ARHGAP35: variants seen among roughly 807,000 people sequenced by gnomAD.
The protein encoded by ARHGAP35 is rho GTPase-activating protein 35.
Under a neutral mutation model 111.1 loss-of-function variants are expected in ARHGAP35, and 15 were observed. The ratio of observed to expected loss-of-function variants is 0.13; its 90% CI spans 0.09 to 0.21. The LOEUF (loss-of-function observed/expected upper bound fraction) is 0.21. Among genes scored for constraint, ARHGAP35 ranks in the 10% least tolerant of loss-of-function variants. The pLI, the probability that ARHGAP35 is intolerant of heterozygous loss-of-function variation, is 1.00. For synonymous variants in ARHGAP35, 643 were observed against 710.3 expected (o/e 0.91, Z 1.51); for missense variants, 1,262 against 1,873.0 (o/e 0.67, Z 6.02).
intron 1 of ARHGAP35, among the ~76,000 whole-genome samples, chr19:46,877,928 G>A (rs185861544): frequency 2.6e-5 from 4 of 151,856 alleles, no homozygotes; most frequent in African/African-American, 4.8e-5. Context: ...AGCTGGTCTC[G>A]AACTCCTGAC....
chr19:46,995,209 G>T (rs990555813), intron 5 of ARHGAP35, among the ~76,000 whole-genome samples: 1 of 152,216 alleles, frequency 6.6e-6, no homozygotes, highest in Non-Finnish European at 1.5e-5. Context: ...GAGGTCAGGA[G>T]TTCGAGACCA....
At chr19:46,879,107 T>C (rs2055942916) in intron 1 of ARHGAP35, among the ~76,000 whole-genome samples, 1 of 152,226 alleles carries the variant, frequency 6.6e-6, no homozygotes, top group African/African-American at 2.4e-5. Context: ...GAATCCTTTG[T>C]TGTCATTTCT....
intron 1 of ARHGAP35, among the ~76,000 whole-genome samples, chr19:46,912,739 C>G (rs2056144433): frequency 6.6e-6 from 1 of 152,082 alleles, no homozygotes; most frequent in African/African-American, 2.4e-5. Context: ...GGAAAACTTC[C>G]ATGTCTACCT....
chr19:46,896,549 G>A (rs776221579), intron 1 of ARHGAP35, among the ~76,000 whole-genome samples: 8 of 152,224 alleles, frequency 5.3e-5, no homozygotes, highest in Non-Finnish European at 1.0e-4. Context: ...GATTAGAGCA[G>A]TTGTAGCTTC....
At chr19:46,869,500 GTGTGTGTGTATTTGCAT>G (rs1333711000) in intron 1 of ARHGAP35, among the ~76,000 whole-genome samples, 4 of 150,238 alleles carry the variant, frequency 2.7e-5, no homozygotes, top group African/African-American at 7.5e-5. Flanking sequence ...GTGTGTGTGT[GTGTGTGTGTATTTGCAT>G]TGTGTGTGTG....
intron 1 of ARHGAP35, among the ~76,000 whole-genome samples, chr19:46,886,272 G>A (rs1189914625): frequency 6.6e-6 from 1 of 152,096 alleles, no homozygotes; most frequent in Non-Finnish European, 1.5e-5. Context: ...CCAGTCACGT[G>A]TTGCTACTTG....
chr19:46,899,702 A>AC (rs896816719), intron 1 of ARHGAP35, among the ~76,000 whole-genome samples: 46 of 151,988 alleles, frequency 3.0e-4, no homozygotes, highest in African/African-American at 8.7e-4. Flanking sequence ...CCTGTACAAA[A>AC]AAAAACAAAA....
chr19:46,999,183 G>A lies in ARHGAP35; in HGVS notation c.4037-121G>A. On this transcript the variant is annotated intron_variant, in intron 5 of 6. Coordinates refer to ENST00000672722, the MANE Select transcript of ARHGAP35 (RefSeq NM_004491.5). This position sits in a 1 kb window ranked among gnomAD's most constrained non-coding sequence, Gnocchi z 5.4. ...GGGCACAGGCTTTGGGGGAAAGAGT[G>A]GGGTTAGTGTCATCCAAAAGCCCTG... The A allele has an allele frequency of 1.5e-6, 1 of 655,630 alleles. No homozygotes were observed. The allele number at this position is 655,630 out of a possible 1,614,324, so 40.6% of individuals were successfully genotyped here. A position where few individuals can be genotyped will look rare whatever the true frequency, so the allele number is the denominator to read the frequency against.
chr19:46,977,385 C>T (rs371880442), intron 3 of ARHGAP35, among the ~76,000 whole-genome samples: 49 of 152,338 alleles, frequency 3.2e-4, no homozygotes, highest in African/African-American at 1.1e-3. Context: ...ATGCTCCAGC[C>T]GCTTAGGGAG....
rs988462408 is a variant in ARHGAP35, at chr19:46,994,587, C to T, written c.4037-4717C>T. On this transcript the variant is annotated intron_variant, in intron 5 of 6. Transcript: ENST00000672722. The surrounding 1 kb of genome is among the most constrained non-coding windows in gnomAD (Gnocchi z 5.4). ...CCAGCCAGAGGCGCCGTGAACTCGC[C>T]GGGGATGAGGATGGTGGTCAGGAGG... 8.5e-5 allele frequency among the ~76,000 whole-genome samples: 13 copies of T among 152,076 alleles called. No homozygotes were observed. Among genetic ancestry groups the T allele is most frequent in the Admixed American group, 7.9e-4 (12 of 15,270 alleles).
chr19:46,997,516 GCACTGTC>G (rs906748769), intron 5 of ARHGAP35: 11 of 152,122 alleles, frequency 7.2e-5, no homozygotes, highest in Non-Finnish European at 1.5e-5. Flanking sequence ...AATGAAGGAG[GCACTGTC>G]CACAGCCCCT....
intron 5 of ARHGAP35, among the ~76,000 whole-genome samples, chr19:46,995,502 G>T (rs1026680264): frequency 6.6e-6 from 1 of 152,226 alleles, no homozygotes; most frequent in African/African-American, 2.4e-5. Flanking sequence ...GGGCTCTGCC[G>T]CGTGCAGGGA....
Position 46,992,118 on chromosome 19 carries a change from G to A in ARHGAP35, c.4036+2443G>A, listed in dbSNP as rs1172778241. Among the ~76,000 whole-genome samples the A allele has an allele frequency of 6.6e-6, 1 of 152,188 alleles. No individual in the cohort carries two copies. The highest frequency in any genetic ancestry group is 2.4e-5 in the African/African-American group (1 of 41,434). On this transcript the variant is annotated intron_variant, in intron 5 of 6. Coordinates refer to ENST00000672722, the MANE Select transcript of ARHGAP35 (RefSeq NM_004491.5). The surrounding 1 kb of genome is among the most constrained non-coding windows in gnomAD (Gnocchi z 4.4). ...TCAGAAATGAACAGCAGCAGCAACCGCACCGCCCATGGCCTGTGTGCCTGC... is the reference window on the plus strand; with the variant it reads ...TCAGAAATGAACAGCAGCAGCAACCACACCGCCCATGGCCTGTGTGCCTGC...
In ARHGAP35 at chr19:46,901,659, G is replaced by A. The variant is rs2056084126; in HGVS notation, c.-188-16829G>A. 6.6e-6 allele frequency among the ~76,000 whole-genome samples: 1 copy of A among 152,210 alleles called. No individual in the cohort carries two copies. The highest frequency in any genetic ancestry group is 2.4e-5 in the African/African-American group (1 of 41,456). ...GAACGCGTAAGGCTGTGGGGATCCAGGCGATCTAGATTCCCTGGCAGCAGA... is the reference window on the plus strand; with the variant it reads ...GAACGCGTAAGGCTGTGGGGATCCAAGCGATCTAGATTCCCTGGCAGCAGA... On this transcript the variant is annotated intron_variant, in intron 1 of 6. Coordinates refer to ENST00000672722, the MANE Select transcript of ARHGAP35 (RefSeq NM_004491.5). The surrounding 1 kb of genome is among the most constrained non-coding windows in gnomAD (Gnocchi z 4.5).
chr19:46,902,793 A>G (rs1599808068), intron 1 of ARHGAP35, among the ~76,000 whole-genome samples: 1 of 152,298 alleles, frequency 6.6e-6, no homozygotes, highest in South Asian at 2.1e-4. Flanking sequence ...TTCAAGGAAC[A>G]ACAAGTTATC....
At position 47,000,554 on chromosome 19, in the gene ARHGAP35, G is replaced by A. The variant is rs1599876903; in HGVS notation, c.4366G>A (p.Ala1456Thr). Residue 1456 changes from alanine (A) to threonine (T), a missense_variant, in exon 7 of 7, where the codon GCT (alanine) becomes ACT (threonine). Transcript: ENST00000672722. The surrounding 1 kb of genome is among the most constrained non-coding windows in gnomAD (Gnocchi z 6.9). ...GARPSSPSAV[A>T]STVPFLTSTP... ...CAGGCCCAGCTCCCCCTCTGCCGTG[G>A]CTTCCACCGTCCCCTTCCTCACTTC... The A allele has an allele frequency of 1.2e-6, 2 of 1,613,130 alleles. No individual in the cohort carries two copies. The highest frequency in any genetic ancestry group is 3.3e-5 in the Admixed American group (2 of 59,972).
At chr19:46,895,906 C>T (rs1170132577) in intron 1 of ARHGAP35, among the ~76,000 whole-genome samples, 2 of 151,878 alleles carry the variant, frequency 1.3e-5, no homozygotes, top group Admixed American at 1.3e-4. Context: ...AGTTTGAGAC[C>T]AGCCTGGCCA....
intron 1 of ARHGAP35, among the ~76,000 whole-genome samples, chr19:46,905,830 G>A (rs113263144): frequency 0.19 from 28,130 of 151,932 alleles, 3,425 homozygotes; most frequent in Non-Finnish European, 0.28. Context: ...GGGATTACAG[G>A]CGTGAGCCAC....
chr19:46,960,467 G>A (rs1342084210), intron 3 of ARHGAP35, among the ~76,000 whole-genome samples: 1 of 152,216 alleles, frequency 6.6e-6, no homozygotes, highest in East Asian at 1.9e-4. Flanking sequence ...AATTTCATAG[G>A]TTTTCATTCT....
Sources: allele counts gnomAD v4.1 joint callset (sites outside exome capture counted in the v4.1 genomes callset), GRCh38; gene constraint gnomAD v4.1.1; non-coding constraint Gnocchi (gnomAD v3.1); transcripts MANE v1.5; gene names NCBI Gene and HGNC (gene_info 2026-07-23, HGNC 2026-07-21).